ARHGAP26: variants seen among roughly 807,000 people sequenced by gnomAD.
ARHGAP26 encodes the protein rho GTPase-activating protein 26.
In ARHGAP26, 38 loss-of-function variants were observed where a neutral mutation model predicts 104.8. The ratio of observed to expected loss-of-function variants is 0.36; its 90% CI spans 0.28 to 0.48. The LOEUF is 0.48. ARHGAP26 is among the 20% of genes least tolerant of loss of function. The pLI, the probability that ARHGAP26 is intolerant of heterozygous loss-of-function variation, is 0.99. For missense variants in ARHGAP26, 704 were observed against 947.9 expected (o/e 0.74, Z 3.38); for synonymous variants, 341 against 340.0 (o/e 1.00, Z -0.03).
chr5:142,986,176 C>T (rs1774696762), intron 11 of ARHGAP26, among the ~76,000 whole-genome samples: 1 of 152,126 alleles, frequency 6.6e-6, no homozygotes, highest in Non-Finnish European at 1.5e-5. Flanking sequence ...CTGTTGTTTC[C>T]TGACTTTTTA....
chr5:142,865,394 A>C (rs1328240601), intron 1 of ARHGAP26, among the ~76,000 whole-genome samples: 2 of 152,144 alleles, frequency 1.3e-5, no homozygotes, highest in Admixed American at 6.5e-5. Context: ...CTTTGGAAAT[A>C]CATATGTATT....
At chr5:142,859,020 C>T (rs1158943609) in intron 1 of ARHGAP26, among the ~76,000 whole-genome samples, 1 of 152,134 alleles carries the variant, frequency 6.6e-6, no homozygotes, top group Non-Finnish European at 1.5e-5. Context: ...AGGGCAAGGC[C>T]AGTGGGGTGT....
intron 1 of ARHGAP26, among the ~76,000 whole-genome samples, chr5:142,861,647 T>C (rs1239663398): frequency 1.3e-5 from 2 of 152,230 alleles, no homozygotes; most frequent in Non-Finnish European, 2.9e-5. Flanking sequence ...TGGCATGTTA[T>C]TTATTAAATA....
intron 4 of ARHGAP26, among the ~76,000 whole-genome samples, chr5:142,879,904 C>T (rs963816161): frequency 6.6e-5 from 10 of 152,184 alleles, no homozygotes; most frequent in African/African-American, 2.4e-4. Flanking sequence ...GCAGCTGGTA[C>T]TTAGGTTTAG....
chr5:143,185,636 C>T (rs749855118), intron 20 of ARHGAP26, among the ~76,000 whole-genome samples: 3 of 152,214 alleles, frequency 2.0e-5, no homozygotes, highest in Admixed American at 2.0e-4. Flanking sequence ...AACTCCACTA[C>T]TTTATCCGGT....
chr5:143,028,316 A>G (rs964409579), intron 12 of ARHGAP26, among the ~76,000 whole-genome samples: 1 of 152,162 alleles, frequency 6.6e-6, no homozygotes, highest in African/African-American at 2.4e-5. Context: ...CATCATAAAA[A>G]CTTAGCAGAG....
intron 11 of ARHGAP26, among the ~76,000 whole-genome samples, chr5:142,971,919 C>T (rs979718029): frequency 1.3e-5 from 2 of 152,144 alleles, no homozygotes; most frequent in African/African-American, 2.4e-5. Context: ...CGGTGGCTCA[C>T]GCCTATAATC....
At chr5:143,061,273 AT>A (rs958116795) in intron 17 of ARHGAP26, among the ~76,000 whole-genome samples, 1 of 152,196 alleles carries the variant, frequency 6.6e-6, no homozygotes, top group Non-Finnish European at 1.5e-5. Context: ...TCTTATAATC[AT>A]AGAGGAAATA....
At chr5:143,149,352 C>T (rs1448686043) in intron 20 of ARHGAP26, among the ~76,000 whole-genome samples, 1 of 152,084 alleles carries the variant, frequency 6.6e-6, no homozygotes, top group Non-Finnish European at 1.5e-5. Flanking sequence ...GAAGGTTGTT[C>T]CTGAGGTAGA....
chr5:142,807,332 C>A (rs1363837032), intron 1 of ARHGAP26, among the ~76,000 whole-genome samples: 2 of 152,140 alleles, frequency 1.3e-5, no homozygotes, highest in African/African-American at 4.8e-5. Context: ...GATGTAGAGC[C>A]CATTGCCAGA....
chr5:143,203,716 T>A (rs1263533338), intron 20 of ARHGAP26: 2 of 152,178 alleles, frequency 1.3e-5, no homozygotes, highest in East Asian at 3.8e-4. Flanking sequence ...ATGTGGCACA[T>A]ATACACCATG....
At chr5:143,099,011 A>G (rs1792834980) in intron 17 of ARHGAP26, among the ~76,000 whole-genome samples, 1 of 152,240 alleles carries the variant, frequency 6.6e-6, no homozygotes, top group African/African-American at 2.4e-5. Flanking sequence ...GTCCAATGAA[A>G]GACACAATGC....
chr5:143,042,333 A>T (rs530201437), intron 14 of ARHGAP26, among the ~76,000 whole-genome samples: 1 of 152,248 alleles, frequency 6.6e-6, no homozygotes, highest in Non-Finnish European at 1.5e-5. Flanking sequence ...AGCAGGTGTC[A>T]TGTAACTCTC....
chr5:143,207,106 A>G (rs1808683388), intron 20 of ARHGAP26, 92 bp from the exon 21 acceptor site: 1 of 1,507,244 alleles, frequency 6.6e-7, no homozygotes, highest in Admixed American at 1.9e-5. Context: ...TGCTCTGCCC[A>G]GCTTTCCGTC....
chr5:143,044,460 C>T (rs764880849), intron 14 of ARHGAP26, among the ~76,000 whole-genome samples: 29 of 152,004 alleles, frequency 1.9e-4, no homozygotes, highest in Non-Finnish European at 3.1e-4. Context: ...AAGGCTCCAG[C>T]GAGGACTTTG....
chr5:143,082,237 A>G (rs1403693260), intron 17 of ARHGAP26, among the ~76,000 whole-genome samples: 3 of 152,122 alleles, frequency 2.0e-5, no homozygotes, highest in African/African-American at 7.2e-5. Flanking sequence ...CCCCAAGACA[A>G]TAATTATGTC....
At chr5:143,190,288 A>G (rs1805755809) in intron 20 of ARHGAP26, among the ~76,000 whole-genome samples, 1 of 152,194 alleles carries the variant, frequency 6.6e-6, no homozygotes, top group South Asian at 2.1e-4. Flanking sequence ...TTTCTTTTAT[A>G]TCTTCCAACA....
intron 20 of ARHGAP26, among the ~76,000 whole-genome samples, chr5:143,174,302 A>G (rs558737643): frequency 2.8e-4 from 43 of 152,344 alleles, no homozygotes; most frequent in Non-Finnish European, 4.9e-4. Context: ...TCGTGTAATG[A>G]TGGAGCAATC....
At chr5:142,907,901 G>A (rs1232220865) in intron 9 of ARHGAP26, 97 bp downstream of exon 9, 2 of 697,218 alleles carry the variant, frequency 2.9e-6, no homozygotes, top group Non-Finnish European at 4.2e-6. Flanking sequence ...TTATATTTAT[G>A]TTTCATCATA....
Sources: allele counts gnomAD v4.1 joint callset (sites outside exome capture counted in the v4.1 genomes callset), GRCh38; gene constraint gnomAD v4.1.1; transcripts MANE v1.5; gene names NCBI Gene and HGNC (gene_info 2026-07-23, HGNC 2026-07-21).